RNF8: variants seen among roughly 807,000 people sequenced by gnomAD.
RNF8 encodes E3 ubiquitin-protein ligase RNF8.
In RNF8, 8 loss-of-function variants were observed where a neutral mutation model predicts 59.3. The ratio of observed to expected loss-of-function variants is 0.13; its 90% CI spans 0.08 to 0.24. The LOEUF (loss-of-function observed/expected upper bound fraction) is 0.24, where lower values mean the gene tolerates loss of function less well. RNF8 is among the 10% of genes least tolerant of loss of function. RNF8 has a pLI of 1.00. For missense variants in RNF8, 406 were observed against 572.6 expected (o/e 0.71, Z 2.97); for synonymous variants, 162 against 200.0 (o/e 0.81, Z 1.60).
Position 37,382,015 on chromosome 6 carries a change from C to T in RNF8, c.1441+661C>T, listed in dbSNP as rs182908006. Among the ~76,000 whole-genome samples, 114 of 152,330 alleles carry T rather than the reference C, an allele frequency of 7.5e-4. No homozygotes were observed. The East Asian group carries it at 0.017, about 23-fold the overall frequency. On this transcript the variant is annotated intron_variant, in intron 7 of 7. Transcript: ENST00000373479. Reference sequence around the variant, plus strand: ...TTTTGTGCCTAAATTTAAGCCCCCACAGATTTTCACTTCCAAGAGCTACTT... The same window carrying T: ...TTTTGTGCCTAAATTTAAGCCCCCATAGATTTTCACTTCCAAGAGCTACTT...
At chr6:37,355,574 TC>T (rs1769082409) in intron 1 of RNF8, among the ~76,000 whole-genome samples, 2 of 152,226 alleles carry the variant, frequency 1.3e-5, no homozygotes, top group South Asian at 4.1e-4. Context: ...ATTATTTAGT[TC>T]CTTCCCAGAG....
rs750751943 is a variant in RNF8, at chr6:37,368,623, A to C, written c.380A>C (p.Glu127Ala). ...GAGTATGAATATGAAGTTACTGAAGAAGACTGGGAGACAATATATCCTTGT... is the reference window on the plus strand; with the variant it reads ...GAGTATGAATATGAAGTTACTGAAGCAGACTGGGAGACAATATATCCTTGT... ...NAEYEYEVTE[E>A]DWETIYPCLS... Residue 127 changes from glutamate to alanine, a missense_variant, in exon 3 of 8, where the codon GAA becomes GCA. Physicochemically the swap from Glu to Ala is moderately radical, Grantham distance 107. Transcript: ENST00000373479. 1.9e-6 allele frequency: 3 copies of C among 1,614,100 alleles called. No individual in the cohort carries two copies. Among genetic ancestry groups the C allele is most frequent in the Non-Finnish European group, 2.5e-6 (3 of 1,180,052 alleles).
At chr6:37,368,438 G>A in intron 2 of RNF8, 46 bp from the exon 3 acceptor site, 1 of 1,613,758 alleles carries the variant, frequency 6.2e-7, no homozygotes, top group Non-Finnish European at 8.5e-7. Context: ...CCTTTAAGAA[G>A]ACGAAAATCA....
intron 7 of RNF8, among the ~76,000 whole-genome samples, chr6:37,381,944 T>G (rs1770283333): frequency 6.6e-6 from 1 of 152,210 alleles, no homozygotes; most frequent in Admixed American, 6.5e-5. Context: ...GCTGGTTCTT[T>G]GGAACTGAAG....
At chr6:37,364,159 A>T (rs1404657713) in intron 2 of RNF8, among the ~76,000 whole-genome samples, 1 of 144,226 alleles carries the variant, frequency 6.9e-6, no homozygotes, top group African/African-American at 2.7e-5. Context: ...AGCCTGGGGG[A>T]CAGAGCGAGA....
intron 1 of RNF8, among the ~76,000 whole-genome samples, chr6:37,359,606 C>T (rs977886052): frequency 6.6e-6 from 1 of 152,096 alleles, no homozygotes; most frequent in African/African-American, 2.4e-5. Context: ...GGTTTTCCAT[C>T]CAGTCAAGTA....
At chr6:37,358,241 G>A (rs538105722) in intron 1 of RNF8, among the ~76,000 whole-genome samples, 26 of 152,328 alleles carry the variant, frequency 1.7e-4, no homozygotes, top group African/African-American at 5.3e-4. Context: ...TGGCACTATG[G>A]TATGAGTTAA....
chr6:37,377,223 A>G (rs559163703), intron 6 of RNF8, among the ~76,000 whole-genome samples, 190 bp downstream of exon 6: 1 of 152,010 alleles, frequency 6.6e-6, no homozygotes, highest in African/African-American at 2.4e-5. Context: ...TTACAGGCAC[A>G]TGCCACCATG....
In RNF8 at chr6:37,368,783, T is replaced by A. The variant is rs763743968; in HGVS notation, c.540T>A (p.Ser180=). 1 of 1,614,080 alleles carries A rather than the reference T, an allele frequency of 6.2e-7. No individual in the cohort carries two copies. Among genetic ancestry groups the A allele is most frequent in the African/African-American group, 1.3e-5 (1 of 74,914 alleles). ...SNLKSKINKV[S]CESGQPVKSQ... Reference sequence around the variant, plus strand: ...TGAAATCCAAAATAAATAAAGTGTCTTGTGAATCTGGTCAGCCAGTGAAAT... The same window carrying A: ...TGAAATCCAAAATAAATAAAGTGTCATGTGAATCTGGTCAGCCAGTGAAAT... The change falls in exon 3 of 8, where the codon TCT becomes TCA. Residue 180 remains serine, a synonymous_variant. Transcript: ENST00000373479.
chr6:37,382,516 C>T (rs1044464816), intron 7 of RNF8, among the ~76,000 whole-genome samples: 2 of 152,062 alleles, frequency 1.3e-5, no homozygotes, highest in Non-Finnish European at 2.9e-5. Flanking sequence ...CCCTCTTTCC[C>T]TTTTTGAGAG....
Position 37,376,949 on chromosome 6 carries a change from A to G in RNF8, c.1152A>G (p.Ala384=). Residue 384 remains alanine (A), a synonymous_variant, in exon 6 of 8, where the codon GCA becomes GCG. Coordinates refer to ENST00000373479, the MANE Select transcript of RNF8 (RefSeq NM_003958.4). ...AGGAAGAGAAGGAGAAGATGCAAGC[A>G]CAGAAGGAAGAAGTTCTTAGCCACA... ...QTKEEKEKMQ[A]QKEEVLSHMN... is the part of the protein sequence containing the mutation. 1 of 1,613,368 alleles carries G rather than the reference A, an allele frequency of 6.2e-7. No homozygotes were observed. The highest frequency in any genetic ancestry group is 8.5e-7 in the Non-Finnish European group (1 of 1,179,386).
At chr6:37,371,837 G>C (rs1361113068) in intron 4 of RNF8, among the ~76,000 whole-genome samples, 1 of 152,200 alleles carries the variant, frequency 6.6e-6, no homozygotes, top group East Asian at 1.9e-4. Context: ...TAGCAGTTAA[G>C]AGGCTCTCTG....
At chr6:37,380,972 C>G (rs918529922) in intron 6 of RNF8, among the ~76,000 whole-genome samples, 178 bp from the exon 7 acceptor site, 12 of 152,148 alleles carry the variant, frequency 7.9e-5, no homozygotes, top group Non-Finnish European at 1.5e-4. Flanking sequence ...CATGAGCCAT[C>G]ATGCCCGGCC....
rs755804297 is a variant in RNF8 at position 37,391,624 on chromosome 6, C to G, written c.*866C>G. 2 of 152,084 alleles carry G rather than the reference C, an allele frequency of 1.3e-5. No homozygotes were observed. The highest frequency in any genetic ancestry group is 2.9e-5 in the Non-Finnish European group (2 of 68,030). The allele number at this position is 152,084 out of a possible 1,614,324, so 9.4% of individuals were successfully genotyped here. A position where few individuals can be genotyped will look rare whatever the true frequency, so the allele number is the denominator to read the frequency against. ...TTTTCTTTTACATTAGAAGTTTTCT[C>G]TCTTTTCTCCACCTCTCCTTTATTT... is the stretch of plus-strand genomic sequence containing the variant. On this transcript the variant is annotated 3_prime_UTR_variant, in exon 8 of 8. Transcript: ENST00000373479.
intron 3 of RNF8, among the ~76,000 whole-genome samples, chr6:37,370,701 C>T (rs1362285310): frequency 2.1e-5 from 3 of 142,266 alleles, no homozygotes; most frequent in African/African-American, 5.2e-5. Context: ...CTCCTTCACA[C>T]TTTTTTTTTT....
In RNF8 at chr6:37,360,605, T is replaced by G. The variant is rs1252067223; in HGVS notation, c.240+31T>G. 2 of 1,569,260 alleles carry G rather than the reference T, an allele frequency of 1.3e-6. No homozygotes were observed. Among genetic ancestry groups the G allele is most frequent in the African/African-American group, 2.9e-5 (2 of 68,952 alleles). On this transcript the variant is annotated intron_variant, in intron 2 of 7. Coordinates refer to ENST00000373479, the MANE Select transcript of RNF8 (RefSeq NM_003958.4). The surrounding 1 kb of genome is among the most constrained non-coding windows in gnomAD (Gnocchi z 4.2). ...GGAATTCACAGAAGCCTAATGACTTTTATTTGTTTTTAAATTACTTTTTTT... is the reference window on the plus strand; with the variant it reads ...GGAATTCACAGAAGCCTAATGACTTGTATTTGTTTTTAAATTACTTTTTTT...
rs1174930747 is a variant in RNF8, at chr6:37,393,260, T to G, written c.*2502T>G. On this transcript the variant is annotated 3_prime_UTR_variant, in exon 8 of 8. Transcript: ENST00000373479. ...GCCTCCTTGTGTCTTGGTTTTGGTT[T>G]CTTCATCTCTAAGTAATTATATCTG... 1 of 152,322 alleles carries G rather than the reference T, an allele frequency of 6.6e-6. No homozygotes were observed. The highest frequency in any genetic ancestry group is 1.9e-4 in the East Asian group (1 of 5,194). 9.4% of individuals were successfully genotyped at this position (152,322 alleles called of 1,614,324 possible).
chr6:37,382,230 A>G (rs1295240513), intron 7 of RNF8, among the ~76,000 whole-genome samples: 1 of 152,240 alleles, frequency 6.6e-6, no homozygotes, highest in Non-Finnish European at 1.5e-5. Flanking sequence ...TCAGGGTGCT[A>G]TGAAACTTCA....
Position 37,368,981 on chromosome 6 carries a change from A to C in RNF8, c.738A>C (p.Leu246Phe), listed in dbSNP as rs1480126182. Residue 246 changes from leucine (L) to phenylalanine (F), a missense_variant, in exon 3 of 8, where the codon TTA becomes TTC. This residue lies in a region of RNF8 where 285 missense variants were observed against 342.0 expected (regional missense o/e 0.83). Coordinates refer to ENST00000373479, the MANE Select transcript of RNF8 (RefSeq NM_003958.4). ...ASNSSASQRS[L>F]QMFKVTMSRI... is the part of the protein sequence containing the mutation. ...ACTCTTCAGCATCTCAGAGAAGCTT[A>C]CAGATGTTTAAGGTGACCATGTCCA... 1 of 1,614,128 alleles carries C rather than the reference A, an allele frequency of 6.2e-7. No homozygotes were observed. Among genetic ancestry groups the C allele is most frequent in the African/African-American group, 1.3e-5 (1 of 74,940 alleles).
Sources: gnomAD v4.1 joint callset for allele counts (sites outside exome capture counted in the v4.1 genomes callset) on GRCh38, gnomAD v4.1.1 for gene constraint, gnomAD v4.1.1 regional missense constraint, Gnocchi (gnomAD v3.1) non-coding constraint, MANE v1.5 for transcripts, NCBI Gene and HGNC (gene_info 2026-07-23, HGNC 2026-07-21) for gene names.